ERO1A: variants seen among roughly 807,000 people sequenced by gnomAD.
ERO1A encodes ERO1-like protein alpha.
A neutral mutation model predicts 76.9 loss-of-function variants in ERO1A; 49 were observed. That is an observed-to-expected ratio of 0.64 (90% CI 0.51 to 0.81). The LOEUF (loss-of-function observed/expected upper bound fraction) is 0.81. ERO1A is among the 30% of genes least tolerant of loss of function. The pLI is 0.00. For missense variants in ERO1A, 448 were observed against 542.1 expected (o/e 0.83, Z 1.72); for synonymous variants, 174 against 181.2 (o/e 0.96, Z 0.32).
chr14:52,679,636 G>A (rs2040921883), intron 3 of ERO1A, among the ~76,000 whole-genome samples: 1 of 152,060 alleles, frequency 6.6e-6, no homozygotes, highest in South Asian at 2.1e-4. Context: ...GACCTCAAGT[G>A]ATCTGCCTGC....
chr14:52,678,764 G>C (rs954815100), intron 3 of ERO1A, among the ~76,000 whole-genome samples: 1 of 152,108 alleles, frequency 6.6e-6, no homozygotes, highest in African/African-American at 2.4e-5. Context: ...TGGCCACTAG[G>C]AGATCCACTG....
Position 52,676,351 on chromosome 14 carries a change from G to C in ERO1A, c.357+2083C>G, listed in dbSNP as rs116708405. The stretch of plus-strand genomic sequence containing the variant: ...CTATTCTCTCTATGTAGGATTGCTC[G>C]GTTTCTATTTATTTACCATGTAATT... On this transcript the variant is annotated intron_variant, in intron 4 of 15. Transcript: ENST00000395686. 2.5e-3 allele frequency among the ~76,000 whole-genome samples: 375 copies of C among 152,172 alleles called. 2 individuals carry two copies. Among genetic ancestry groups the C allele is most frequent in the African/African-American group, 8.7e-3 (360 of 41,530 alleles).
intron 1 of ERO1A, among the ~76,000 whole-genome samples, chr14:52,691,012 G>A (rs2041336304): frequency 6.6e-6 from 1 of 152,012 alleles, no homozygotes; most frequent in African/African-American, 2.4e-5. Flanking sequence ...GGTGATCCAC[G>A]TGCCTCAGCC....
intron 13 of ERO1A, among the ~76,000 whole-genome samples, chr14:52,648,431 G>A (rs929803197): frequency 2.6e-5 from 4 of 152,000 alleles, no homozygotes; most frequent in African/African-American, 9.7e-5. Context: ...AAGACTTAAT[G>A]GTTATTATGA....
intron 13 of ERO1A, among the ~76,000 whole-genome samples, chr14:52,647,449 GT>G (rs1403616392): frequency 6.6e-6 from 1 of 151,828 alleles, no homozygotes; most frequent in African/African-American, 2.4e-5. Flanking sequence ...CCACTACCAA[GT>G]TTTAGAAAAA....
rs1025068837 is a variant in ERO1A at position 52,678,530 on chromosome 14, T to C, written c.319-58A>G. On this transcript the variant is annotated intron_variant, in intron 3 of 15. Transcript: ENST00000395686. ...ATTTATTCTATCTTCTTAAAACATA[T>C]CTTAAATTTCTGTGATTTATGAGAA... The C allele has an allele frequency of 6.4e-6, 9 of 1,415,314 alleles. No homozygotes were observed. In the East Asian group the frequency reaches 1.4e-4, roughly 22 times the overall value. 87.7% of individuals were successfully genotyped at this position (1,415,314 alleles called of 1,614,324 possible).
Position 52,640,923 on chromosome 14 carries a change from A to AGAT in ERO1A, c.*2644_*2646dup, listed in dbSNP as rs200811111. The stretch of plus-strand genomic sequence containing the variant: ...CAGATGGATTGAGGAGTCTGGCTAA[A>AGAT]GATAAGGATTTAGGAACTGCTGAAT... On this transcript the variant is annotated 3_prime_UTR_variant, in exon 16 of 16. Transcript: ENST00000395686. 6.3e-3 allele frequency: 967 copies of AGAT among 152,310 alleles called. 7 individuals carry two copies. The highest frequency in any genetic ancestry group is 0.017 in the Middle Eastern group (5 of 294). The allele number at this position is 152,310 out of a possible 1,614,324, so 9.4% of individuals were successfully genotyped here.
intron 11 of ERO1A, among the ~76,000 whole-genome samples, chr14:52,655,469 T>A (rs1198854268): frequency 6.6e-6 from 1 of 152,202 alleles, no homozygotes; most frequent in Non-Finnish European, 1.5e-5. Flanking sequence ...GTGAATAATT[T>A]TAAATTTAAT....
At chr14:52,686,389 T>C (rs114704625) in intron 1 of ERO1A, among the ~76,000 whole-genome samples, 2,263 of 152,204 alleles carry the variant, frequency 0.015, 52 homozygotes, top group African/African-American at 0.052. Flanking sequence ...GAAACACACA[T>C]AGCAAGTAAA....
Position 52,661,299 on chromosome 14 carries a change from T to C in ERO1A, c.682A>G (p.Ser228Gly). ...TATAATAAATTATACTTACCTTCACTTGTCCCTGAAAAGCAAAACAAAATG... is the reference window on the plus strand; with the variant it reads ...TATAATAAATTATACTTACCTTCACCTGTCCCTGAAAAGCAAAACAAAATG... ...LNPLASGQGTSEENTFYSWLE... is the reference protein window; with the variant it reads ...LNPLASGQGTGEENTFYSWLE... Residue 228 changes from serine (S) to glycine (G), a missense_variant, in exon 9 of 16, where the codon AGT becomes GGT. Ser to Gly is a moderately conservative substitution (Grantham distance 56). Coordinates refer to ENST00000395686, the MANE Select transcript of ERO1A (RefSeq NM_014584.3). 1 of 1,356,514 alleles carries C rather than the reference T, an allele frequency of 7.4e-7. No homozygotes were observed. 84.0% of individuals were successfully genotyped at this position (1,356,514 alleles called of 1,614,324 possible). A position where few individuals can be genotyped will look rare whatever the true frequency, so the allele number is the denominator to read the frequency against.
chr14:52,681,255 A>G (rs1372359891), intron 3 of ERO1A, among the ~76,000 whole-genome samples: 3 of 152,252 alleles, frequency 2.0e-5, no homozygotes. Context: ...TGACTATATA[A>G]ACAAAACATA....
intron 13 of ERO1A, chr14:52,646,679 T>C: frequency 2.4e-6 from 1 of 417,414 alleles, no homozygotes. Context: ...TATTATAATC[T>C]ACACCTAATG....
At chr14:52,676,627 T>A (rs1392683847) in intron 4 of ERO1A, among the ~76,000 whole-genome samples, 1 of 152,200 alleles carries the variant, frequency 6.6e-6, no homozygotes, top group Non-Finnish European at 1.5e-5. Flanking sequence ...TTTCTTTGCA[T>A]CTAGAAAATC....
At chr14:52,664,123 C>G (rs182079259) in intron 7 of ERO1A, 97 of 249,128 alleles carry the variant, frequency 3.9e-4, no homozygotes, top group African/African-American at 2.2e-3. Context: ...GCTCTTCTCT[C>G]GGAGTCACTA....
At position 52,665,259 on chromosome 14, in the gene ERO1A, G is replaced by A. The variant is rs114343371; in HGVS notation, c.629+1116C>T. ...AGAGGTTGCGGTAAGCAGAGATGAC[G>A]TCACTGCAGCCTGGGCAACAGAGTG... is the stretch of plus-strand genomic sequence containing the variant. On this transcript the variant is annotated intron_variant, in intron 7 of 15. Transcript: ENST00000395686. 2.7e-3 allele frequency among the ~76,000 whole-genome samples: 370 copies of A among 138,958 alleles called. 2 individuals are homozygous for A. The highest frequency in any genetic ancestry group is 9.4e-3 in the African/African-American group (354 of 37,724). The allele number at this position is 138,958 out of a possible 152,430, so 91.2% of individuals were successfully genotyped here.
chr14:52,663,703 G>A, intron 8 of ERO1A, 98 bp downstream of exon 8: 2 of 718,662 alleles, frequency 2.8e-6, no homozygotes. Context: ...TGGATTATAT[G>A]ACTTCAACTG....
chr14:52,644,179 T>C (rs963339379), intron 15 of ERO1A, among the ~76,000 whole-genome samples: 1 of 152,054 alleles, frequency 6.6e-6, no homozygotes, highest in Non-Finnish European at 1.5e-5. Flanking sequence ...AATAGCCAGG[T>C]GCAGTAGCTC....
intron 4 of ERO1A, among the ~76,000 whole-genome samples, chr14:52,678,009 T>C (rs1594832112): frequency 6.6e-6 from 1 of 152,140 alleles, no homozygotes; most frequent in East Asian, 1.9e-4. Flanking sequence ...CTCACGCCTA[T>C]AATCCCAGCA....
intron 1 of ERO1A, among the ~76,000 whole-genome samples, chr14:52,686,903 T>C (rs2041194959): frequency 1.3e-5 from 2 of 151,378 alleles, no homozygotes; most frequent in South Asian, 4.2e-4. Context: ...TGCCCCTTCC[T>C]GAAATATGGA....
Sources: allele counts gnomAD v4.1 joint callset (sites outside exome capture counted in the v4.1 genomes callset), GRCh38; gene constraint gnomAD v4.1.1; transcripts MANE v1.5; gene names NCBI Gene and HGNC (gene_info 2026-07-23, HGNC 2026-07-21).